Variants in UBE4B observed in about 807,000 individuals in gnomAD.
The protein encoded by UBE4B is ubiquitin conjugation factor E4 B.
Under a neutral mutation model 148.1 loss-of-function variants are expected in UBE4B, and 27 were observed. That is an observed-to-expected ratio of 0.18 (90% CI 0.13 to 0.25). The LOEUF (loss-of-function observed/expected upper bound fraction) is 0.25, where lower values mean the gene tolerates loss of function less well. UBE4B is among the 10% of genes least tolerant of loss of function. UBE4B has a pLI of 1.00. For synonymous variants in UBE4B, 596 were observed against 619.3 expected (o/e 0.96, Z 0.56); for missense variants, 1,170 against 1,662.4 (o/e 0.70, Z 5.15).
chr1:10,072,034 C>T lies in UBE4B; in HGVS notation c.31C>T (p.Arg11Trp), dbSNP rs761955109. The T allele has an allele frequency of 1.9e-6, 3 of 1,582,114 alleles. No individual in the cohort carries two copies. The highest frequency in any genetic ancestry group is 1.1e-5 in the South Asian group (1 of 87,182). MEELSADEIRRRRLARLAGGQ... is the reference protein window; with the variant it reads MEELSADEIRWRRLARLAGGQ... The stretch of plus-strand genomic sequence containing the variant: ...TTTTCCCCTCATGTTGTAGATTCGA[C>T]GGAGGCGCCTTGCACGACTTGCTGG... Residue 11 changes from arginine to tryptophan, a missense_variant, in exon 2 of 28, where the codon CGG becomes TGG. Around this residue, in one of 6 missense-constraint regions of UBE4B, gnomAD observed 127 missense variants for 153.2 expected, o/e 0.83. Transcript: ENST00000343090.
At position 10,087,266 on chromosome 1, in the gene UBE4B, A is replaced by G. The variant is rs376312346; in HGVS notation, c.212-8195A>G. 4.6e-5 allele frequency among the ~76,000 whole-genome samples: 7 copies of G among 152,288 alleles called. No homozygotes were observed. The East Asian group carries it at 9.6e-4, about 21-fold the overall frequency. ...AAGATCACAAAACTAGAAATGATGGAACTGGGTTCCAGTCCTAGTTTCTTT... is the reference window on the plus strand; with the variant it reads ...AAGATCACAAAACTAGAAATGATGGGACTGGGTTCCAGTCCTAGTTTCTTT... On this transcript the variant is annotated intron_variant, in intron 2 of 27. Transcript: ENST00000343090.
chr1:10,072,780 G>T, intron 2 of UBE4B: 1 of 283,482 alleles, frequency 3.5e-6, no homozygotes, highest in South Asian at 1.1e-4. Flanking sequence ...TTCTCATACT[G>T]TGTATTTGAA....
chr1:10,077,957 G>T (rs1185010640), intron 2 of UBE4B, among the ~76,000 whole-genome samples: 1 of 151,220 alleles, frequency 6.6e-6, no homozygotes, highest in East Asian at 1.9e-4. Flanking sequence ...ATATATATGG[G>T]TGATGCTTTT....
chr1:10,062,560 A>C (rs1570804499), intron 1 of UBE4B, among the ~76,000 whole-genome samples: 1 of 474 alleles, frequency 2.1e-3, no homozygotes, highest in Admixed American at 0.024. Flanking sequence ...AGGTCTGCCC[A>C]CCTTGGCTCC....
intron 14 of UBE4B, among the ~76,000 whole-genome samples, chr1:10,132,144 A>C (rs905112448): frequency 2.0e-5 from 3 of 152,016 alleles, no homozygotes; most frequent in Middle Eastern, 3.4e-3. Flanking sequence ...AAAACAAAAA[A>C]CTGTAACTGC....
chr1:10,053,384 C>T (rs899542678), intron 1 of UBE4B, among the ~76,000 whole-genome samples: 8 of 152,020 alleles, frequency 5.3e-5, no homozygotes, highest in Non-Finnish European at 7.4e-5. Flanking sequence ...CTCCTGACCT[C>T]GTGATCCACC....
intron 2 of UBE4B, among the ~76,000 whole-genome samples, chr1:10,076,324 A>T (rs1426800662): frequency 6.8e-6 from 1 of 148,144 alleles, no homozygotes; most frequent in Non-Finnish European, 1.5e-5. Flanking sequence ...GGCTCACTGT[A>T]ACCTTTGTCT....
At chr1:10,178,846 ATTTCTTT>A in intron 26 of UBE4B, 28 bp downstream of exon 26, 1 of 1,558,446 alleles carries the variant, frequency 6.4e-7, no homozygotes, top group Non-Finnish European at 8.7e-7. Context: ...TTTCATGCTG[ATTTCTTT>A]TGAGTTAACT....
At position 10,171,349 on chromosome 1, in the gene UBE4B, C is replaced by A; in HGVS notation, c.3525+20C>A. On this transcript the variant is annotated intron_variant, in intron 25 of 27. Coordinates refer to ENST00000343090, the MANE Select transcript of UBE4B (RefSeq NM_001105562.3). ...GACCAGGTCAGTGAGTTGAGTTGGT[C>A]TCTCTGTGAGTTTACTGGCAGATTT... 1 of 1,609,996 alleles carries A rather than the reference C, an allele frequency of 6.2e-7. No homozygotes were observed. Among genetic ancestry groups the A allele is most frequent in the South Asian group, 1.1e-5 (1 of 90,504 alleles).
At position 10,168,296 on chromosome 1, in the gene UBE4B, TG is replaced by T. The variant is rs1375271896; in HGVS notation, c.3333+28del. 1.1e-5 allele frequency: 18 copies of T among 1,612,158 alleles called. No homozygotes were observed. Among genetic ancestry groups the T allele is most frequent in the Non-Finnish European group, 1.4e-5 (17 of 1,179,146 alleles). On this transcript the variant is annotated intron_variant, in intron 24 of 27. Coordinates refer to ENST00000343090, the MANE Select transcript of UBE4B (RefSeq NM_001105562.3). This position sits in a 1 kb window ranked among gnomAD's most constrained non-coding sequence, Gnocchi z 4.9. ...GTGAGTAGAAACCCGGGGCTCTGTT[TG>T]GTGGTTTGGACTCCACATTCAGACT...
At chr1:10,179,858 A>T in intron 27 of UBE4B, 37 bp from the exon 28 acceptor site, 1 of 1,610,560 alleles carries the variant, frequency 6.2e-7, no homozygotes, top group South Asian at 1.1e-5. Context: ...GAGCCCTCCC[A>T]TCTGGGGCAT....
intron 2 of UBE4B, among the ~76,000 whole-genome samples, chr1:10,076,741 C>A (rs1204689988): frequency 1.9e-5 from 2 of 105,866 alleles, no homozygotes; most frequent in African/African-American, 8.2e-5. Context: ...CAGTCCCAGC[C>A]TTTTTTTTTT....
intron 21 of UBE4B, among the ~76,000 whole-genome samples, chr1:10,151,892 C>A (rs1301485735): frequency 1.3e-5 from 2 of 152,028 alleles, no homozygotes; most frequent in Non-Finnish European, 1.5e-5. Flanking sequence ...TTTGAACTTA[C>A]AGCATTTGTT....
At chr1:10,162,061 C>T (rs1294125733) in intron 23 of UBE4B, among the ~76,000 whole-genome samples, 1 of 149,696 alleles carries the variant, frequency 6.7e-6, no homozygotes, top group African/African-American at 2.5e-5. Context: ...TACAGTGGTG[C>T]GATCTCTTCT....
chr1:10,091,792 A>G (rs1644852365), intron 2 of UBE4B, among the ~76,000 whole-genome samples: 1 of 152,098 alleles, frequency 6.6e-6, no homozygotes, highest in Non-Finnish European at 1.5e-5. Context: ...TTTAGTAGAA[A>G]CAGGGTTTCA....
rs745856273 is a variant in UBE4B at position 10,158,501 on chromosome 1, G to A, written c.3053+19G>A. The A allele has an allele frequency of 1.9e-5, 30 of 1,607,288 alleles. No homozygotes were observed. Among genetic ancestry groups the A allele is most frequent in the East Asian group, 6.7e-5 (3 of 44,816 alleles). On this transcript the variant is annotated intron_variant, in intron 22 of 27. Coordinates refer to ENST00000343090, the MANE Select transcript of UBE4B (RefSeq NM_001105562.3). Reference sequence around the variant, plus strand: ...AGTTCAAGTGAGTATGGGGCCCCTCGTGTCACAACTTGCTTTCTTGCAAAT... The same window carrying A: ...AGTTCAAGTGAGTATGGGGCCCCTCATGTCACAACTTGCTTTCTTGCAAAT...
chr1:10,137,342 G>A (rs1645704882), intron 17 of UBE4B, 137 bp downstream of exon 17: 7 of 1,096,558 alleles, frequency 6.4e-6, no homozygotes, highest in South Asian at 1.5e-5. Context: ...TGCCTCCACC[G>A]CCACATCCAT....
chr1:10,076,811 ATCTCGAC>A (rs1198259390), intron 2 of UBE4B, among the ~76,000 whole-genome samples: 5 of 133,082 alleles, frequency 3.8e-5, no homozygotes, highest in African/African-American at 1.5e-4. Flanking sequence ...CAATGGCATG[ATCTCGAC>A]TCTCTGTAAC....
rs1332109951 is a variant in UBE4B at position 10,147,087 on chromosome 1, C to T, written c.2588C>T (p.Pro863Leu). ...LLLRILDPAY[P>L]DITLPLNSDV... ...CTCCGCATCCTGGACCCCGCATATCCCGAGTGAGTGTGCTTCTTCCTGTTT... is the reference window on the plus strand; with the variant it reads ...CTCCGCATCCTGGACCCCGCATATCTCGAGTGAGTGTGCTTCTTCCTGTTT... Residue 863 changes from proline to leucine, a missense_variant, in exon 19 of 28, where the codon CCC becomes CTC. Physicochemically the swap from Pro to Leu is moderately conservative, Grantham distance 98. Transcript: ENST00000343090. 6.2e-7 allele frequency: 1 copy of T among 1,614,134 alleles called. No homozygotes were observed. Among genetic ancestry groups the T allele is most frequent in the Non-Finnish European group, 8.5e-7 (1 of 1,180,014 alleles).
Sources: gnomAD v4.1 joint callset for allele counts (sites outside exome capture counted in the v4.1 genomes callset) on GRCh38, gnomAD v4.1.1 for gene constraint, gnomAD v4.1.1 regional missense constraint, Gnocchi (gnomAD v3.1) non-coding constraint, MANE v1.5 for transcripts, NCBI Gene and HGNC (gene_info 2026-07-23, HGNC 2026-07-21) for gene names.